Variants in CACNB2 observed in about 807,000 individuals in gnomAD.
CACNB2 encodes calcium voltage-gated channel auxiliary subunit beta 2, also known as voltage-dependent L-type calcium channel subunit beta-2.
CACNB2 carries 42 observed loss-of-function variants against 73.3 expected under a neutral mutation model. The ratio of observed to expected loss-of-function variants is 0.57; its 90% confidence interval spans 0.45 to 0.74. The LOEUF (loss-of-function observed/expected upper bound fraction) is 0.74. CACNB2 is among the 30% of genes least tolerant of loss of function. CACNB2 has a pLI of 0.00. For missense variants in CACNB2, 940 were observed against 853.0 expected, an observed-to-expected ratio of 1.10 and a Z score of -1.27; for synonymous variants, 348 against 310.3, an observed-to-expected ratio of 1.12 and a Z score of -1.28.
At chr10:18,430,634 G>A (rs1316023406) in intron 3 of CACNB2, among the ~76,000 whole-genome samples, 2 of 152,002 alleles carry the variant, frequency 1.3e-5, no homozygotes, top group African/African-American at 4.8e-5. Flanking sequence ...TGTCTCAATC[G>A]ATCAGTCAAT....
At chr10:18,518,812 C>G (rs2051536230) in intron 8 of CACNB2, 98 bp from the exon 9 acceptor site, 1 of 1,113,540 alleles carries the variant, frequency 9.0e-7, no homozygotes, top group Non-Finnish European at 1.4e-6. Context: ...AGATGCAAAG[C>G]TCAGGTTTTC....
chr10:18,514,622 C>A, intron 7 of CACNB2: 1 of 1,458,790 alleles, frequency 6.9e-7, no homozygotes, highest in East Asian at 2.3e-5. Context: ...TCATTTCTGT[C>A]CCAAGCAAAG....
At chr10:18,371,140 C>A (rs754495174) in intron 2 of CACNB2, among the ~76,000 whole-genome samples, 1 of 152,026 alleles carries the variant, frequency 6.6e-6, no homozygotes, top group Non-Finnish European at 1.5e-5. Flanking sequence ...ATTTGATAGA[C>A]AAAAATATTA....
rs927581170 is a variant in CACNB2 at position 18,392,402 on chromosome 10, C to T, written c.214-9522C>T. 4.6e-5 allele frequency among the ~76,000 whole-genome samples: 7 copies of T among 152,150 alleles called. No homozygotes were observed. The South Asian group carries it at 6.2e-4, about 14-fold the overall frequency. ...AAGATGAGCACTGAGAATCAGCCATCGATGTAGCCTTAGAGACATCATTGA... is the reference window on the plus strand; with the variant it reads ...AAGATGAGCACTGAGAATCAGCCATTGATGTAGCCTTAGAGACATCATTGA... On this transcript the variant is annotated intron_variant, in intron 2 of 13. Coordinates refer to ENST00000324631, the MANE Select transcript of CACNB2 (RefSeq NM_201596.3).
At chr10:18,245,762 C>G (rs1002204947) in intron 2 of CACNB2, among the ~76,000 whole-genome samples, 1 of 152,044 alleles carries the variant, frequency 6.6e-6, no homozygotes, top group African/African-American at 2.4e-5. Context: ...TCCTCTCCAG[C>G]AAGGTATAGT....
At chr10:18,226,852 T>C (rs901937276) in intron 2 of CACNB2, among the ~76,000 whole-genome samples, 1 of 152,146 alleles carries the variant, frequency 6.6e-6, no homozygotes, top group East Asian at 1.9e-4. Flanking sequence ...CTCCCAGTTT[T>C]GCCACACTGT....
At chr10:18,193,179 G>A (rs1048730140) in intron 2 of CACNB2, among the ~76,000 whole-genome samples, 11 of 151,632 alleles carry the variant, frequency 7.3e-5, no homozygotes, top group Non-Finnish European at 4.4e-5. Context: ...GTTTGTGTTG[G>A]GAACATTTCA....
intron 3 of CACNB2, among the ~76,000 whole-genome samples, chr10:18,489,081 AG>A (rs1242149033): frequency 7.9e-5 from 12 of 152,054 alleles, no homozygotes; most frequent in African/African-American, 2.7e-4. Context: ...TGGGAGGCCG[AG>A]GTGGGCGGAT....
At position 18,344,080 on chromosome 10, in the gene CACNB2, A is replaced by AG. The variant is rs1278004148; in HGVS notation, c.214-57844_214-57843insG. ...CAAGCATTTATCAAAAAAAAAAAAAAAAAGAAAGTTAGCATGTGACTGTGT... is the reference window on the plus strand; with the variant it reads ...CAAGCATTTATCAAAAAAAAAAAAAAGAAAGAAAGTTAGCATGTGACTGTGT... On this transcript the variant is annotated intron_variant, in intron 2 of 13. Transcript: ENST00000324631. Among the ~76,000 whole-genome samples, 860 of 152,106 alleles carry AG rather than the reference A, an allele frequency of 5.7e-3. 8 individuals carry two copies. The highest frequency in any genetic ancestry group is 0.02 in the African/African-American group (828 of 41,490).
chr10:18,454,028 C>T (rs1482872057), intron 3 of CACNB2, among the ~76,000 whole-genome samples: 1 of 152,186 alleles, frequency 6.6e-6, no homozygotes, highest in East Asian at 1.9e-4. Flanking sequence ...CAGGAACAAG[C>T]CCAGCGCCTT....
At chr10:18,295,995 C>T (rs1380768111) in intron 2 of CACNB2, among the ~76,000 whole-genome samples, 7 of 102,268 alleles carry the variant, frequency 6.8e-5, no homozygotes, top group Non-Finnish European at 1.2e-4. Context: ...ATTCTTTTTG[C>T]GTGTTTTTTT....
chr10:18,287,572 C>G (rs1475018453), intron 2 of CACNB2, among the ~76,000 whole-genome samples: 1 of 152,076 alleles, frequency 6.6e-6, no homozygotes, highest in African/African-American at 2.4e-5. Flanking sequence ...AAAACAGGGC[C>G]AGGCGCAGTG....
intron 3 of CACNB2, among the ~76,000 whole-genome samples, chr10:18,487,553 G>C (rs1195732031): frequency 6.6e-6 from 1 of 152,162 alleles, no homozygotes; most frequent in African/African-American, 2.4e-5. Context: ...AGTGATTTGT[G>C]GAGGGGCGCG....
chr10:18,402,087 G>T, intron 3 of CACNB2, 44 bp downstream of exon 3: 2 of 1,606,746 alleles, frequency 1.2e-6, no homozygotes, highest in Non-Finnish European at 1.7e-6. Flanking sequence ...AAGTTGTGCT[G>T]TGCCCCTGAT....
intron 2 of CACNB2, among the ~76,000 whole-genome samples, chr10:18,177,588 A>G (rs2033672668): frequency 6.6e-6 from 1 of 151,776 alleles, no homozygotes; most frequent in South Asian, 2.1e-4. Flanking sequence ...CAAAAAAAAA[A>G]AGAAGAAGAA....
chr10:18,267,794 C>A (rs912503413), intron 2 of CACNB2, among the ~76,000 whole-genome samples: 2 of 152,136 alleles, frequency 1.3e-5, no homozygotes, highest in Non-Finnish European at 2.9e-5. Flanking sequence ...CCCAGCACAG[C>A]CCCAGTTAAC....
intron 2 of CACNB2, among the ~76,000 whole-genome samples, chr10:18,289,695 G>A (rs1430417805): frequency 6.6e-6 from 1 of 152,074 alleles, no homozygotes; most frequent in Non-Finnish European, 1.5e-5. Flanking sequence ...GATGCTGGAT[G>A]GATGGATGGC....
rs978624238 is a variant in CACNB2 at position 18,223,073 on chromosome 10, T to C, written c.213+72098T>C. Among the ~76,000 whole-genome samples, 4 of 152,226 alleles carry C rather than the reference T, an allele frequency of 2.6e-5. No homozygotes were observed. The South Asian group carries it at 6.2e-4, about 24-fold the overall frequency. On this transcript the variant is annotated intron_variant, in intron 2 of 13. Transcript: ENST00000324631. ...TCTGACACAACTCCAGAAGGCTTTC[T>C]GGTTTGCTGTCAGTCATGGGCATAT...
chr10:18,534,713 T>C (rs536787463), intron 11 of CACNB2, among the ~76,000 whole-genome samples: 1 of 152,292 alleles, frequency 6.6e-6, no homozygotes, highest in East Asian at 1.9e-4. Context: ...TATTAAATCT[T>C]GACTTTTAAT....
Sources: allele counts gnomAD v4.1 joint callset (sites outside exome capture counted in the v4.1 genomes callset), GRCh38; gene constraint gnomAD v4.1.1; transcripts MANE v1.5; gene names NCBI Gene and HGNC (gene_info 2026-07-23, HGNC 2026-07-21).